Variants in SLC25A21 observed in about 807,000 individuals in gnomAD.
SLC25A21 encodes mitochondrial 2-oxodicarboxylate carrier.
A neutral mutation model predicts 43.8 loss-of-function variants in SLC25A21; 47 were observed. The observed-to-expected ratio is 1.07, with a 90% CI of 0.85 to 1.37. The LOEUF (loss-of-function observed/expected upper bound fraction) is 1.37. Ranked by LOEUF, SLC25A21 falls within the 40% of genes most tolerant of loss-of-function variation. The probability of loss-of-function intolerance (pLI) is 0.00; values close to 1 mark genes in which losing one functional copy is unlikely to be tolerated. For synonymous variants in SLC25A21, 131 were observed against 121.3 expected, an observed-to-expected ratio of 1.08 and a Z score of -0.52; for missense variants, 352 against 350.2, an observed-to-expected ratio of 1.00 and a Z score of -0.04.
At chr14:36,744,963 A>G (rs1379369150) in intron 3 of SLC25A21, among the ~76,000 whole-genome samples, 2 of 151,782 alleles carry the variant, frequency 1.3e-5, no homozygotes, top group African/African-American at 4.8e-5. Flanking sequence ...GCACCCATTA[A>G]CTCATCATTT....
chr14:37,082,040 AC>A (rs1457565654), intron 1 of SLC25A21, among the ~76,000 whole-genome samples: 1 of 152,228 alleles, frequency 6.6e-6, no homozygotes, highest in African/African-American at 2.4e-5. Context: ...ACCATGGAGT[AC>A]TATACAGTCA....
intron 5 of SLC25A21, among the ~76,000 whole-genome samples, chr14:36,728,441 T>C (rs959829175): frequency 4.6e-5 from 7 of 152,146 alleles, no homozygotes; most frequent in African/African-American, 1.7e-4. Context: ...TTTCCAAACT[T>C]AAGAATGACA....
intron 1 of SLC25A21, among the ~76,000 whole-genome samples, chr14:37,071,515 A>G (rs1221310125): frequency 6.6e-6 from 1 of 152,210 alleles, no homozygotes; most frequent in Non-Finnish European, 1.5e-5. Context: ...CTGAGCTAGA[A>G]GGTAGCTTCA....
intron 2 of SLC25A21, among the ~76,000 whole-genome samples, chr14:36,826,820 G>A (rs1397802471): frequency 1.3e-5 from 2 of 152,162 alleles, no homozygotes; most frequent in African/African-American, 4.8e-5. Flanking sequence ...TTTTCCTGTA[G>A]CATTCTCTCC....
chr14:36,723,818 TGTCCCATTTGA>T (rs1233011608), intron 6 of SLC25A21, among the ~76,000 whole-genome samples: 2 of 152,242 alleles, frequency 1.3e-5, no homozygotes, highest in African/African-American at 4.8e-5. Flanking sequence ...CTTGATGCTC[TGTCCCATTTGA>T]GTCCTTGTGG....
At chr14:36,868,435 G>A (rs1183855023) in intron 2 of SLC25A21, among the ~76,000 whole-genome samples, 1 of 152,148 alleles carries the variant, frequency 6.6e-6, no homozygotes, top group African/African-American at 2.4e-5. Flanking sequence ...GGGACCCTTA[G>A]AACACATCAC....
chr14:36,975,287 AGCTGG>A (rs1566784440), intron 1 of SLC25A21, among the ~76,000 whole-genome samples: 14 of 152,216 alleles, frequency 9.2e-5, no homozygotes, highest in Non-Finnish European at 2.1e-4. Flanking sequence ...TGGGCGTTTG[AGCTGG>A]TTTCACCAGG....
chr14:37,101,320 G>T (rs879727952), intron 1 of SLC25A21, among the ~76,000 whole-genome samples: 12 of 152,136 alleles, frequency 7.9e-5, no homozygotes, highest in Admixed American at 5.9e-4. Flanking sequence ...TGAGCACACA[G>T]AAGTTTTATG....
chr14:36,854,918 T>C (rs1889851630), intron 2 of SLC25A21, among the ~76,000 whole-genome samples: 1 of 139,346 alleles, frequency 7.2e-6, no homozygotes, highest in African/African-American at 2.8e-5. Flanking sequence ...TTTTGTTCTT[T>C]TCTGGGGCAT....
At chr14:37,094,586 A>G (rs1266092012) in intron 1 of SLC25A21, among the ~76,000 whole-genome samples, 1 of 152,168 alleles carries the variant, frequency 6.6e-6, no homozygotes, top group African/African-American at 2.4e-5. Context: ...ACACATACAC[A>G]TACATACTTA....
intron 6 of SLC25A21, among the ~76,000 whole-genome samples, chr14:36,718,495 C>T (rs1326680504): frequency 6.7e-6 from 1 of 148,708 alleles, no homozygotes; most frequent in Non-Finnish European, 1.5e-5. Context: ...CGCTCACTCT[C>T]TGTATAACTC....
chr14:36,860,788 G>A (rs1890044274), intron 2 of SLC25A21, among the ~76,000 whole-genome samples: 1 of 152,100 alleles, frequency 6.6e-6, no homozygotes, highest in African/African-American at 2.4e-5. Flanking sequence ...GTACTGAGTT[G>A]GATCATATAA....
intron 1 of SLC25A21, among the ~76,000 whole-genome samples, chr14:37,064,485 C>G (rs1220943850): frequency 1.3e-5 from 2 of 152,110 alleles, no homozygotes; most frequent in Admixed American, 1.3e-4. Context: ...CAGTCACCAT[C>G]TACCTACTCC....
In SLC25A21 at chr14:36,678,854, T is replaced by C. The variant is rs144626978; in HGVS notation, c.*1804A>G. ...TTCACATGGAGTAATTTTTAAAAGA[T>C]ATCAGATACAATTTGCTATTCAAAG... On this transcript the variant is annotated 3_prime_UTR_variant, in exon 10 of 10. Coordinates refer to ENST00000331299, the MANE Select transcript of SLC25A21 (RefSeq NM_030631.4). 3.8e-4 allele frequency: 371 copies of C among 976,294 alleles called. 7 individuals are homozygous for C. The East Asian group carries it at 0.029, about 75-fold the overall frequency. The allele number at this position is 976,294 out of a possible 1,614,324, so 60.5% of individuals were successfully genotyped here.
chr14:37,138,505 T>C (rs1469798778), intron 1 of SLC25A21, among the ~76,000 whole-genome samples: 1 of 152,178 alleles, frequency 6.6e-6, no homozygotes, highest in East Asian at 1.9e-4. Flanking sequence ...ATTTTTAGTA[T>C]ATAGCATTCT....
chr14:36,913,771 A>G (rs1262176252), intron 1 of SLC25A21, among the ~76,000 whole-genome samples: 1 of 152,254 alleles, frequency 6.6e-6, no homozygotes, highest in Non-Finnish European at 1.5e-5. Flanking sequence ...AGTATTAATT[A>G]TCTTATCATC....
At chr14:36,690,703 GA>G (rs1882761225) in intron 7 of SLC25A21, among the ~76,000 whole-genome samples, 1 of 152,046 alleles carries the variant, frequency 6.6e-6, no homozygotes, top group Non-Finnish European at 1.5e-5. Context: ...GTGGGGGTGT[GA>G]AAAAAATGGA....
intron 3 of SLC25A21, among the ~76,000 whole-genome samples, chr14:36,777,034 C>T (rs1187608822): frequency 3.3e-5 from 5 of 152,052 alleles, no homozygotes; most frequent in Admixed American, 6.6e-5. Context: ...CCGAGGTGGG[C>T]GGATCACGAG....
intron 1 of SLC25A21, among the ~76,000 whole-genome samples, chr14:36,928,674 A>G (rs529292062): frequency 6.6e-6 from 1 of 152,314 alleles, no homozygotes; most frequent in Admixed American, 6.5e-5. Flanking sequence ...GGAACCCAGT[A>G]GAGATTGCCG....
Sources: allele counts gnomAD v4.1 joint callset (sites outside exome capture counted in the v4.1 genomes callset), GRCh38; gene constraint gnomAD v4.1.1; transcripts MANE v1.5; gene names NCBI Gene and HGNC (gene_info 2026-07-23, HGNC 2026-07-21).